ANKRD30BL: variants seen among roughly 807,000 people sequenced by gnomAD.
ANKRD30BL encodes the protein putative ankyrin repeat domain-containing protein 30B-like.
Under a neutral mutation model 18.4 loss-of-function variants are expected in ANKRD30BL, and 20 were observed. That is an observed-to-expected ratio of 1.09 (90% CI 0.77 to 1.58). ANKRD30BL has a LOEUF of 1.58. ANKRD30BL is among the 40% of genes most tolerant of loss of function. The pLI is 0.00. For synonymous variants in ANKRD30BL, 72 were observed against 100.9 expected (o/e 0.71, Z 1.72); for missense variants, 224 against 268.6 (o/e 0.83, Z 1.16).
intron 1 of ANKRD30BL, among the ~76,000 whole-genome samples, chr2:132,221,688 A>G (rs1403310520): frequency 1.5e-4 from 13 of 86,402 alleles, no homozygotes; most frequent in South Asian, 7.9e-4. Context: ...TCCGGGAGGG[A>G]GGTGGGGGGA....
intron 1 of ANKRD30BL, among the ~76,000 whole-genome samples, chr2:132,221,472 C>A (rs1406191967): frequency 7.9e-6 from 1 of 126,120 alleles, no homozygotes; most frequent in African/African-American, 3.7e-5. Context: ...TGAGGGGCGC[C>A]TCTGCCTGGC....
chr2:132,205,281 T>C (rs1679188242), intron 1 of ANKRD30BL, among the ~76,000 whole-genome samples: 1 of 151,836 alleles, frequency 6.6e-6, no homozygotes, highest in Non-Finnish European at 1.5e-5. Context: ...ACTTACACAG[T>C]GGACGTGAAA....
intron 1 of ANKRD30BL, among the ~76,000 whole-genome samples, chr2:132,238,940 G>T (rs1040572423): frequency 6.6e-6 from 1 of 151,778 alleles, no homozygotes; most frequent in Non-Finnish European, 1.5e-5. Context: ...TGAGGCCTAA[G>T]GTGAAAAAGG....
upstream of ANKRD30BL, among the ~76,000 whole-genome samples, chr2:132,162,413 T>C (rs904145178): frequency 8.5e-5 from 13 of 152,132 alleles, no homozygotes; most frequent in African/African-American, 3.1e-4. Context: ...CCGCTGAGCA[T>C]CGCCGAGTAC....
chr2:132,232,575 A>G (rs1344607484), intron 1 of ANKRD30BL, among the ~76,000 whole-genome samples: 1 of 152,182 alleles, frequency 6.6e-6, no homozygotes, highest in Non-Finnish European at 1.5e-5. Context: ...AACTGGAAAA[A>G]AGGGTATCAG....
chr2:132,153,669 G>C, intron 4 of ANKRD30BL: 5 of 1,265,364 alleles, frequency 4.0e-6, no homozygotes, highest in Non-Finnish European at 5.4e-6. Context: ...GATGATCCAT[G>C]ACATATGGCA....
chr2:132,161,960 G>C (rs934470405), upstream of ANKRD30BL: 7 of 444,800 alleles, frequency 1.6e-5, no homozygotes, highest in Non-Finnish European at 2.9e-5. Context: ...TTAGGCAACA[G>C]CGCATGCGCA....
intron 3 of ANKRD30BL, 181 bp from the exon 4 acceptor site, chr2:132,154,949 T>C (rs1425812081): frequency 1.3e-5 from 6 of 453,982 alleles, no homozygotes; most frequent in African/African-American, 1.2e-4. Context: ...ATTCAGCCTC[T>C]GCATCACCAC....
At chr2:132,238,108 C>T (rs1212806296) in intron 1 of ANKRD30BL, among the ~76,000 whole-genome samples, 1 of 151,788 alleles carries the variant, frequency 6.6e-6, no homozygotes, top group Non-Finnish European at 1.5e-5. Flanking sequence ...CGATTTGAGA[C>T]CTATGTTGAA....
intron 1 of ANKRD30BL, among the ~76,000 whole-genome samples, chr2:132,250,365 A>T (rs1680618577): frequency 6.6e-6 from 1 of 152,258 alleles, no homozygotes; most frequent in Non-Finnish European, 1.5e-5. Flanking sequence ...AAGCGCTCAT[A>T]AATATCCCTT....
intron 1 of ANKRD30BL, among the ~76,000 whole-genome samples, chr2:132,256,028 G>A (rs1358466320): frequency 3.9e-5 from 6 of 152,192 alleles, no homozygotes; most frequent in Non-Finnish European, 8.8e-5. Context: ...GCATGTAATA[G>A]CTCTAGAATT....
At chr2:132,156,083 G>A (rs1194560507) in intron 3 of ANKRD30BL, 1 of 151,686 alleles carries the variant, frequency 6.6e-6, no homozygotes, top group Admixed American at 6.6e-5. Flanking sequence ...GAATAAAACG[G>A]CTTATTAACG....
chr2:132,239,288 C>T (rs1031053008), intron 1 of ANKRD30BL, among the ~76,000 whole-genome samples: 3 of 151,864 alleles, frequency 2.0e-5, no homozygotes, highest in South Asian at 2.1e-4. Context: ...TCGTTGGAAA[C>T]GGGAATATCT....
chr2:132,236,616 G>C (rs6726658), intron 1 of ANKRD30BL, among the ~76,000 whole-genome samples: 26,621 of 151,946 alleles, frequency 0.18, 5,186 homozygotes, highest in African/African-American at 0.49. Context: ...ATTAAAAAGA[G>C]AGGAAACAAC....
chr2:132,222,045 G>GC (rs1182554201), intron 1 of ANKRD30BL, among the ~76,000 whole-genome samples: 1 of 102,608 alleles, frequency 9.7e-6, no homozygotes, highest in African/African-American at 6.7e-5. Flanking sequence ...GAGGGAGGCG[G>GC]GGGGGGGGGT....
chr2:132,230,559 T>G (rs542210581), intron 1 of ANKRD30BL, among the ~76,000 whole-genome samples: 8 of 152,034 alleles, frequency 5.3e-5, no homozygotes, highest in African/African-American at 1.4e-4. Flanking sequence ...TAGCTTTTCA[T>G]GGAGCAGTTT....
At chr2:132,222,245 C>A (rs1409452296) in intron 1 of ANKRD30BL, among the ~76,000 whole-genome samples, 1 of 143,766 alleles carries the variant, frequency 7.0e-6, no homozygotes. Flanking sequence ...CCAGCCGCCC[C>A]ATCCGGGAGG....
In ANKRD30BL at chr2:132,158,110, A is replaced by G. The variant is rs572063257; in HGVS notation, c.219-687T>C. On this transcript the variant is annotated intron_variant, in intron 1 of 5. Transcript: ENST00000409867. The stretch of plus-strand genomic sequence containing the variant: ...CATCACACAATTCACCGTGCCTTCC[A>G]TGAAGTGGAATATGGTATATACAAC... Among the ~76,000 whole-genome samples, 3 of 152,304 alleles carry G rather than the reference A, an allele frequency of 2.0e-5. No homozygotes were observed. The South Asian group carries it at 6.2e-4, about 32-fold the overall frequency.
At chr2:132,186,438 T>C (rs1193917227) in intron 1 of ANKRD30BL, among the ~76,000 whole-genome samples, 1 of 152,218 alleles carries the variant, frequency 6.6e-6, no homozygotes, top group Non-Finnish European at 1.5e-5. Flanking sequence ...GTTGTTTAAT[T>C]TCTGCATGAA....
Sources: allele counts gnomAD v4.1 joint callset (sites outside exome capture counted in the v4.1 genomes callset), GRCh38; gene constraint gnomAD v4.1.1; transcripts MANE v1.5; gene names NCBI Gene and HGNC (gene_info 2026-07-23, HGNC 2026-07-21).